The following RYR2 variants were observed in gnomAD, a reference collection of about 807,000 sequenced individuals.
RYR2 encodes cardiac muscle ryanodine receptor-calcium release channel.
Under a neutral mutation model 601.1 loss-of-function variants are expected in RYR2, and 227 were observed. The ratio of observed to expected loss-of-function variants is 0.38; its 90% CI spans 0.34 to 0.42. The LOEUF is 0.42. Ranked by LOEUF, RYR2 falls within the 10% of genes least tolerant of loss-of-function variation. The probability of loss-of-function intolerance (pLI) is 1.00; values close to 1 mark genes in which losing one functional copy is unlikely to be tolerated. For missense variants in RYR2, 4,646 were observed against 6,156.5 expected (o/e 0.75, Z 8.21); for synonymous variants, 2,223 against 2,175.1 (o/e 1.02, Z -0.61).
At chr1:237,589,713 G>A in intron 29 of RYR2, 80 bp from the exon 30 acceptor site, 1 of 1,412,920 alleles carries the variant, frequency 7.1e-7, no homozygotes, top group Non-Finnish European at 9.8e-7. Flanking sequence ...GTTCGGTCCT[G>A]GAACAATATG....
At chr1:237,126,103 G>A (rs1279083876) in intron 1 of RYR2, among the ~76,000 whole-genome samples, 1 of 152,172 alleles carries the variant, frequency 6.6e-6, no homozygotes, top group East Asian at 1.9e-4. Context: ...CAGGCATGGT[G>A]GCGGGCGCCT....
intron 1 of RYR2, among the ~76,000 whole-genome samples, chr1:237,148,515 T>TAAAAA (rs372359390): frequency 1.3e-4 from 14 of 105,140 alleles, no homozygotes; most frequent in African/African-American, 5.9e-4. Context: ...GAACTTCAAG[T>TAAAAA]AAAAAAAAAA....
Position 237,631,520 on chromosome 1 carries a change from C to T in RYR2, c.6534C>T (p.Val2178=), listed in dbSNP as rs904724019. 21 of 1,607,016 alleles carry T rather than the reference C, an allele frequency of 1.3e-5. 1 individual carries two copies. Among genetic ancestry groups the T allele is most frequent in the Middle Eastern group, 1.7e-4 (1 of 6,042 alleles). The change falls in exon 42 of 105, where the codon GTC becomes GTT. Residue 2178 remains valine (V), a synonymous_variant. Transcript: ENST00000366574. The part of the protein sequence containing the change: ...HETVMEVMVN[V]LGGGESKEIT... ...CTGTGATGGAGGTCATGGTGAACGT[C>T]CTTGGAGGTGGAGAGTCCAAGGTAA... is the stretch of plus-strand genomic sequence containing the variant.
intron 1 of RYR2, among the ~76,000 whole-genome samples, chr1:237,151,177 C>A (rs1196102182): frequency 6.6e-6 from 1 of 152,058 alleles, no homozygotes; most frequent in Non-Finnish European, 1.5e-5. Context: ...TCATTTTAAG[C>A]TTGATATTAA....
At chr1:237,717,424 G>A (rs1573650452) in intron 72 of RYR2, 56 bp downstream of exon 72, 1 of 1,396,066 alleles carries the variant, frequency 7.2e-7, no homozygotes, top group East Asian at 2.4e-5. Flanking sequence ...GACTCTCAGT[G>A]TTTGATTCCT....
intron 13 of RYR2, among the ~76,000 whole-genome samples, chr1:237,444,187 A>G (rs867594428): frequency 1.3e-5 from 2 of 152,094 alleles, no homozygotes; most frequent in South Asian, 4.1e-4. Context: ...CAAGGAATCA[A>G]ATTTTGAGTT....
At chr1:237,790,853 T>C (rs73103920) in intron 92 of RYR2, among the ~76,000 whole-genome samples, 286 of 152,236 alleles carry the variant, frequency 1.9e-3, no homozygotes, top group African/African-American at 6.5e-3. Flanking sequence ...CAAGACAACC[T>C]TTTATCAGAA....
chr1:237,555,631 C>G (rs1196625789), intron 27 of RYR2, among the ~76,000 whole-genome samples: 1 of 152,108 alleles, frequency 6.6e-6, no homozygotes. Context: ...TTGAAAGTTA[C>G]TTACTCTACA....
intron 3 of RYR2, among the ~76,000 whole-genome samples, chr1:237,346,093 C>T (rs797016317): frequency 7.0e-4 from 107 of 151,956 alleles, no homozygotes; most frequent in African/African-American, 2.3e-3. Flanking sequence ...AGGCTGGGTG[C>T]GGTGGCTCAT....
chr1:237,500,907 A>C lies in RYR2; in HGVS notation c.2396+4A>C, dbSNP rs754919620. 6.2e-7 allele frequency: 1 copy of C among 1,613,598 alleles called. No individual in the cohort carries two copies. The highest frequency in any genetic ancestry group is 1.1e-5 in the South Asian group (1 of 91,074). On this transcript the variant is annotated splice_donor_region_variant and intron_variant, in intron 21 of 104. Coordinates refer to ENST00000366574, the MANE Select transcript of RYR2 (RefSeq NM_001035.3). The stretch of plus-strand genomic sequence containing the variant: ...TTAGTTTCTCTGCAGGAATAAAGTT[A>C]GTATGTCTATGTTTTTTGGTCTCTT...
At chr1:237,351,989 C>A (rs1698892478) in intron 3 of RYR2, among the ~76,000 whole-genome samples, 1 of 151,334 alleles carries the variant, frequency 6.6e-6, no homozygotes, top group Non-Finnish European at 1.5e-5. Context: ...CTATTACAAC[C>A]AAGTTGGGAT....
At chr1:237,374,491 C>G (rs577819778) in intron 6 of RYR2, among the ~76,000 whole-genome samples, 1 of 152,148 alleles carries the variant, frequency 6.6e-6, no homozygotes, top group Non-Finnish European at 1.5e-5. Context: ...AACCATATCT[C>G]TACAAAAAAG....
chr1:237,217,180 G>A (rs530038492), intron 1 of RYR2, among the ~76,000 whole-genome samples: 91 of 152,310 alleles, frequency 6.0e-4, no homozygotes, highest in African/African-American at 2.1e-3. Context: ...GGGTAGAGAA[G>A]TAGCCTCTGA....
chr1:237,230,108 C>G (rs571910509), intron 1 of RYR2, among the ~76,000 whole-genome samples: 2 of 152,018 alleles, frequency 1.3e-5, no homozygotes, highest in Non-Finnish European at 2.9e-5. Context: ...AGAAAAATAA[C>G]TAGAATTAAT....
In RYR2 at chr1:237,522,378, T is replaced by C. The variant is rs1245195062; in HGVS notation, c.2823-8049T>C. On this transcript the variant is annotated intron_variant, in intron 24 of 104. Coordinates refer to ENST00000366574, the MANE Select transcript of RYR2 (RefSeq NM_001035.3). ...TTGTGTTGGGCCACATTCAAAGAGCTGTCCTAGGCCGCATGTAGCCCGCAG... is the reference window on the plus strand; with the variant it reads ...TTGTGTTGGGCCACATTCAAAGAGCCGTCCTAGGCCGCATGTAGCCCGCAG... Among the ~76,000 whole-genome samples, 5 of 152,386 alleles carry C rather than the reference T, an allele frequency of 3.3e-5. No homozygotes were observed. The East Asian group carries it at 9.6e-4, about 29-fold the overall frequency.
chr1:237,062,087 G>A (rs1662961990), intron 1 of RYR2, among the ~76,000 whole-genome samples: 1 of 151,972 alleles, frequency 6.6e-6, no homozygotes, highest in Non-Finnish European at 1.5e-5. Context: ...TTATTTCATT[G>A]GTCTATTTGT....
chr1:237,043,012 T>C (rs1040450745), intron 1 of RYR2, among the ~76,000 whole-genome samples: 1 of 151,978 alleles, frequency 6.6e-6, no homozygotes, highest in Non-Finnish European at 1.5e-5. Flanking sequence ...TTTCTGGGAA[T>C]ACCGCCGCCG....
At chr1:237,682,623 G>A (rs1452102606) in intron 62 of RYR2, among the ~76,000 whole-genome samples, 3 of 152,090 alleles carry the variant, frequency 2.0e-5, no homozygotes, top group East Asian at 1.9e-4. Context: ...ATTCTATGAT[G>A]TACTTATATC....
chr1:237,507,624 A>G (rs1309015147), intron 23 of RYR2, among the ~76,000 whole-genome samples: 1 of 152,246 alleles, frequency 6.6e-6, no homozygotes, highest in Non-Finnish European at 1.5e-5. Context: ...TAATATTTAT[A>G]TATTTATTCA....
Sources: allele counts gnomAD v4.1 joint callset (sites outside exome capture counted in the v4.1 genomes callset), GRCh38; gene constraint gnomAD v4.1.1; transcripts MANE v1.5; gene names NCBI Gene and HGNC (gene_info 2026-07-23, HGNC 2026-07-21).